The following DCLK1 variants were observed in gnomAD, a reference collection of about 807,000 sequenced individuals.
The protein encoded by DCLK1 is doublecortin like kinase 1.
In DCLK1, 16 loss-of-function variants were observed where a neutral mutation model predicts 86.2. The ratio of observed to expected loss-of-function variants is 0.19; its 90% CI spans 0.13 to 0.28. The LOEUF (loss-of-function observed/expected upper bound fraction) is 0.28, where lower values mean the gene tolerates loss of function less well. DCLK1 is among the 10% of genes least tolerant of loss of function. The pLI is 1.00. For missense variants in DCLK1, 590 were observed against 940.2 expected (o/e 0.63, Z 4.87); for synonymous variants, 369 against 370.5 (o/e 1.00, Z 0.05).
At chr13:35,913,261 G>T (rs1875159030) in intron 4 of DCLK1, among the ~76,000 whole-genome samples, 1 of 152,176 alleles carries the variant, frequency 6.6e-6, no homozygotes, top group South Asian at 2.1e-4. Context: ...CACTATTAAT[G>T]CAGGGTCCCA....
intron 5 of DCLK1, among the ~76,000 whole-genome samples, chr13:35,857,060 T>C (rs190164530): frequency 6.6e-6 from 1 of 152,208 alleles, no homozygotes; most frequent in African/African-American, 2.4e-5. Context: ...CAATAAAGTA[T>C]TTTGAGAGGG....
intron 4 of DCLK1, among the ~76,000 whole-genome samples, chr13:35,936,677 G>T (rs1876768874): frequency 6.6e-6 from 1 of 152,202 alleles, no homozygotes; most frequent in African/African-American, 2.4e-5. Flanking sequence ...AGAGCCTCTG[G>T]CAGAAAACTG....
At chr13:36,070,005 C>T (rs1926318) in intron 3 of DCLK1, among the ~76,000 whole-genome samples, 40,054 of 151,846 alleles carry the variant, frequency 0.26, 5,650 homozygotes, top group East Asian at 0.53. Flanking sequence ...ACTTTATGTC[C>T]GGTGAAGAGT....
chr13:36,066,148 C>T (rs1883744537), intron 3 of DCLK1, among the ~76,000 whole-genome samples: 1 of 152,024 alleles, frequency 6.6e-6, no homozygotes, highest in African/African-American at 2.4e-5. Context: ...CTCAAATAAC[C>T]CTATGAAGTC....
intron 4 of DCLK1, among the ~76,000 whole-genome samples, chr13:35,897,302 G>A (rs1470391146): frequency 6.6e-6 from 1 of 152,210 alleles, no homozygotes; most frequent in Non-Finnish European, 1.5e-5. Flanking sequence ...GAGCTGAGGA[G>A]TGCAAGGTTG....
intron 15 of DCLK1, among the ~76,000 whole-genome samples, chr13:35,799,498 G>A (rs559463427): frequency 9.9e-5 from 15 of 152,146 alleles, no homozygotes; most frequent in Middle Eastern, 3.4e-3. Flanking sequence ...TTATCTGCCC[G>A]CCTCGGCCTC....
chr13:35,783,655 G>A (rs990039579), intron 16 of DCLK1, among the ~76,000 whole-genome samples: 14 of 151,592 alleles, frequency 9.2e-5, no homozygotes, highest in African/African-American at 3.2e-4. Flanking sequence ...GTGTGATCTC[G>A]GCTCATTGCA....
chr13:35,801,629 G>C (rs1397672929), intron 15 of DCLK1, among the ~76,000 whole-genome samples: 1 of 152,122 alleles, frequency 6.6e-6, no homozygotes, highest in Non-Finnish European at 1.5e-5. Flanking sequence ...GGTCCAGAGG[G>C]AGCAATGGAA....
intron 4 of DCLK1, among the ~76,000 whole-genome samples, chr13:35,920,666 G>A (rs970185984): frequency 1.6e-4 from 25 of 152,110 alleles, no homozygotes; most frequent in Non-Finnish European, 1.0e-4. Context: ...CTGGTTCATC[G>A]AAAGTTTTCT....
intron 11 of DCLK1, among the ~76,000 whole-genome samples, chr13:35,819,782 A>T (rs1196730775): frequency 7.1e-6 from 1 of 140,978 alleles, no homozygotes; most frequent in Non-Finnish European, 1.6e-5. Context: ...AAGCAATATA[A>T]AAAAAAAAGG....
At chr13:35,941,433 G>A (rs1490080407) in intron 4 of DCLK1, among the ~76,000 whole-genome samples, 3 of 152,182 alleles carry the variant, frequency 2.0e-5, no homozygotes, top group African/African-American at 7.2e-5. Flanking sequence ...ATCCATAAGA[G>A]AAGCTGAGGA....
intron 3 of DCLK1, among the ~76,000 whole-genome samples, chr13:35,967,000 G>A (rs1455414155): frequency 6.6e-6 from 1 of 150,436 alleles, no homozygotes; most frequent in Non-Finnish European, 1.5e-5. Flanking sequence ...CTGCCCGGCT[G>A]CCCAGTCTGG....
At chr13:35,810,020 C>T (rs2087109818) in intron 12 of DCLK1, among the ~76,000 whole-genome samples, 1 of 152,134 alleles carries the variant, frequency 6.6e-6, no homozygotes, top group South Asian at 2.1e-4. Context: ...CAGTGCCCCA[C>T]CCTGTTATTC....
At chr13:36,087,802 A>G (rs930999737) in intron 3 of DCLK1, among the ~76,000 whole-genome samples, 1 of 152,172 alleles carries the variant, frequency 6.6e-6, no homozygotes, top group African/African-American at 2.4e-5. Flanking sequence ...TGCTGTGGAT[A>G]CACTATTCTC....
chr13:35,976,998 T>C (rs1003510796), intron 3 of DCLK1, among the ~76,000 whole-genome samples: 6 of 152,190 alleles, frequency 3.9e-5, no homozygotes, highest in African/African-American at 1.4e-4. Flanking sequence ...CTTAGTGGAA[T>C]CTGGATTATA....
upstream of DCLK1, among the ~76,000 whole-genome samples, chr13:36,131,645 G>C (rs1483895019): frequency 6.6e-6 from 1 of 152,214 alleles, no homozygotes; most frequent in Non-Finnish European, 1.5e-5. Flanking sequence ...GGGCAGATCA[G>C]ATGGTGGAAG....
chr13:35,836,818 C>G (rs1869418380), intron 7 of DCLK1, among the ~76,000 whole-genome samples: 1 of 152,118 alleles, frequency 6.6e-6, no homozygotes, highest in Non-Finnish European at 1.5e-5. Context: ...ACATTTTCCC[C>G]CTGAAAATGC....
chr13:36,106,307 T>C (rs188529504), intron 3 of DCLK1, among the ~76,000 whole-genome samples: 1 of 152,318 alleles, frequency 6.6e-6, no homozygotes, highest in Admixed American at 6.5e-5. Context: ...ATATGTGACC[T>C]AAAATAGTAC....
intron 3 of DCLK1, among the ~76,000 whole-genome samples, chr13:36,078,229 T>C (rs537704278): frequency 6.6e-5 from 10 of 152,182 alleles, no homozygotes; most frequent in African/African-American, 2.4e-4. Flanking sequence ...CACCTTGATC[T>C]TGAACTTCCC....
Sources: gnomAD v4.1 joint callset for allele counts (sites outside exome capture counted in the v4.1 genomes callset) on GRCh38, gnomAD v4.1.1 for gene constraint, MANE v1.5 for transcripts, NCBI Gene and HGNC (gene_info 2026-07-23, HGNC 2026-07-21) for gene names.